CNTNAP2: variants seen among roughly 807,000 people sequenced by gnomAD.
The protein encoded by CNTNAP2 is contactin-associated protein-like 2.
In CNTNAP2, 98 loss-of-function variants were observed where a neutral mutation model predicts 155.2. That is an observed-to-expected ratio of 0.63 (90% confidence interval 0.54 to 0.75). The LOEUF (loss-of-function observed/expected upper bound fraction) is 0.75, where lower values mean the gene tolerates loss of function less well. Among genes scored for constraint, CNTNAP2 ranks in the 30% least tolerant of loss-of-function variants. CNTNAP2 has a pLI of 0.00. For missense variants in CNTNAP2, 1,727 were observed against 1,688.1 expected, an observed-to-expected ratio of 1.02 and a Z score of -0.40; for synonymous variants, 651 against 631.2, an observed-to-expected ratio of 1.03 and a Z score of -0.47.
At chr7:147,376,796 A>G (rs889934872) in intron 9 of CNTNAP2, among the ~76,000 whole-genome samples, 3 of 152,128 alleles carry the variant, frequency 2.0e-5, no homozygotes, top group Middle Eastern at 3.4e-3. Context: ...TCAAATTCAG[A>G]CACCAGCACC....
intron 15 of CNTNAP2, among the ~76,000 whole-genome samples, chr7:148,026,753 G>A (rs1364796428): frequency 6.6e-6 from 1 of 152,122 alleles, no homozygotes; most frequent in Non-Finnish European, 1.5e-5. Context: ...TCCAATAAAA[G>A]TTAGAACCCT....
intron 1 of CNTNAP2, among the ~76,000 whole-genome samples, chr7:146,364,231 C>A (rs1260311799): frequency 6.6e-6 from 1 of 152,128 alleles, no homozygotes; most frequent in East Asian, 1.9e-4. Flanking sequence ...AACTGCAAAT[C>A]CACTAATTAC....
intron 1 of CNTNAP2, among the ~76,000 whole-genome samples, chr7:146,145,575 G>A (rs1797946503): frequency 1.3e-5 from 2 of 152,218 alleles, no homozygotes; most frequent in Non-Finnish European, 2.9e-5. Context: ...CGGTTTCCCA[G>A]TGGAGGTACA....
intron 11 of CNTNAP2, among the ~76,000 whole-genome samples, chr7:147,507,583 C>G (rs533073684): frequency 1.8e-5 from 2 of 109,740 alleles, no homozygotes; most frequent in Non-Finnish European, 3.4e-5. Context: ...TTTGGAGTCT[C>G]GCTCTGTCAC....
chr7:147,000,483 G>A (rs1005925525), intron 3 of CNTNAP2, among the ~76,000 whole-genome samples: 3 of 152,062 alleles, frequency 2.0e-5, no homozygotes, highest in African/African-American at 4.8e-5. Flanking sequence ...TACTGTAGAA[G>A]TAGATACTTA....
At chr7:147,903,822 G>C in intron 14 of CNTNAP2, 101 bp downstream of exon 14, 2 of 1,401,934 alleles carry the variant, frequency 1.4e-6, no homozygotes, top group Non-Finnish European at 9.8e-7. Flanking sequence ...ATAATAATAC[G>C]ATAATAGGGT....
intron 21 of CNTNAP2, among the ~76,000 whole-genome samples, chr7:148,343,616 T>TC (rs1798272156): frequency 6.6e-6 from 1 of 152,200 alleles, no homozygotes; most frequent in African/African-American, 2.4e-5. Flanking sequence ...TCAGTAATTG[T>TC]CAGGAGACTT....
At chr7:147,377,569 G>A (rs1796457600) in intron 9 of CNTNAP2, among the ~76,000 whole-genome samples, 1 of 151,630 alleles carries the variant, frequency 6.6e-6, no homozygotes, top group African/African-American at 2.4e-5. Flanking sequence ...GGCTTTTAAT[G>A]GGAATGTGTT....
chr7:147,321,207 A>G (rs962872186), intron 9 of CNTNAP2, among the ~76,000 whole-genome samples: 1 of 152,092 alleles, frequency 6.6e-6, no homozygotes, highest in African/African-American at 2.4e-5. Flanking sequence ...AGCTAATGTC[A>G]AACTACCTTG....
intron 2 of CNTNAP2, among the ~76,000 whole-genome samples, chr7:146,776,218 G>A (rs909121783): frequency 3.6e-4 from 55 of 152,126 alleles, no homozygotes; most frequent in African/African-American, 1.3e-3. Flanking sequence ...CCAAGAGAGT[G>A]TACTGTTCCC....
rs564900989 is a variant in CNTNAP2 at position 146,764,155 on chromosome 7, G to A, written c.98-10116G>A. 9.2e-5 allele frequency among the ~76,000 whole-genome samples: 14 copies of A among 152,272 alleles called. No homozygotes were observed. In the South Asian group the frequency reaches 2.9e-3, roughly 32 times the overall value. ...TTCAAATGAGCCCAGCCCTTAGGAAGATTGTCAATCAAAGCTTTAAGAGTA... is the reference window on the plus strand; with the variant it reads ...TTCAAATGAGCCCAGCCCTTAGGAAAATTGTCAATCAAAGCTTTAAGAGTA... On this transcript the variant is annotated intron_variant, in intron 1 of 23. Transcript: ENST00000361727.
At chr7:148,179,885 A>G (rs772203246) in intron 18 of CNTNAP2, among the ~76,000 whole-genome samples, 3 of 152,162 alleles carry the variant, frequency 2.0e-5, no homozygotes, top group Admixed American at 6.5e-5. Context: ...TCCTAGAGAA[A>G]CATTTCTTGT....
At chr7:147,671,511 A>AT (rs201215305) in intron 13 of CNTNAP2, among the ~76,000 whole-genome samples, 6,966 of 151,848 alleles carry the variant, frequency 0.046, 400 homozygotes, top group Admixed American at 0.18. Context: ...AGAAAAAGAA[A>AT]TTTTTTTTTG....
intron 1 of CNTNAP2, among the ~76,000 whole-genome samples, chr7:146,413,619 C>T (rs1478597610): frequency 6.6e-6 from 1 of 152,032 alleles, no homozygotes; most frequent in Non-Finnish European, 1.5e-5. Context: ...TTCTCCTTTT[C>T]TTCCTTTTAC....
chr7:148,018,524 C>T (rs1802221048), intron 15 of CNTNAP2, among the ~76,000 whole-genome samples: 1 of 152,126 alleles, frequency 6.6e-6, no homozygotes, highest in Non-Finnish European at 1.5e-5. Flanking sequence ...GTGTATGAAA[C>T]AAGGAATAAA....
chr7:147,629,551 A>T lies in CNTNAP2; in HGVS notation c.1898-9555A>T, dbSNP rs570658023. Reference sequence around the variant, plus strand: ...CATTACTTTCTTCAACACACAGAACATTCTCCAAGATAGACCATATGATAG... The same window carrying T: ...CATTACTTTCTTCAACACACAGAACTTTCTCCAAGATAGACCATATGATAG... On this transcript the variant is annotated intron_variant, in intron 12 of 23. Coordinates refer to ENST00000361727, the MANE Select transcript of CNTNAP2 (RefSeq NM_014141.6). Among the ~76,000 whole-genome samples the T allele has an allele frequency of 3.3e-5, 5 of 152,086 alleles. No homozygotes were observed. In the South Asian group the frequency reaches 1.0e-3, roughly 32 times the overall value.
chr7:146,197,695 T>C (rs190993415), intron 1 of CNTNAP2, among the ~76,000 whole-genome samples: 4 of 152,334 alleles, frequency 2.6e-5, no homozygotes, highest in Admixed American at 2.6e-4. Context: ...AAATGACTTA[T>C]CTAGTCTAAC....
intron 1 of CNTNAP2, among the ~76,000 whole-genome samples, chr7:146,259,293 G>A (rs576686938): frequency 1.3e-5 from 2 of 152,286 alleles, no homozygotes; most frequent in South Asian, 4.1e-4. Flanking sequence ...CGAGAGTGGG[G>A]TACTGCTTTA....
chr7:148,253,237 C>T (rs1351257362), intron 20 of CNTNAP2, among the ~76,000 whole-genome samples: 3 of 152,040 alleles, frequency 2.0e-5, no homozygotes, highest in Non-Finnish European at 2.9e-5. Flanking sequence ...TGGCTGGTGT[C>T]GTCTACCATT....
Sources: allele counts gnomAD v4.1 joint callset (sites outside exome capture counted in the v4.1 genomes callset), GRCh38; gene constraint gnomAD v4.1.1; transcripts MANE v1.5; gene names NCBI Gene and HGNC (gene_info 2026-07-23, HGNC 2026-07-21).